Variants in IRF2 observed in about 807,000 individuals in gnomAD.
The protein encoded by IRF2 is interferon regulatory factor 2.
IRF2 carries 15 observed loss-of-function variants against 40.6 expected under a neutral mutation model. The observed-to-expected ratio is 0.37, with a 90% CI of 0.25 to 0.57. The LOEUF is 0.57. IRF2 is among the 20% of genes least tolerant of loss of function. The pLI is 0.77. For synonymous variants in IRF2, 151 were observed against 165.5 expected, an observed-to-expected ratio of 0.91 and a Z score of 0.67; for missense variants, 317 against 455.7, an observed-to-expected ratio of 0.70 and a Z score of 2.77.
intron 1 of IRF2, among the ~76,000 whole-genome samples, chr4:184,464,395 G>C (rs1739250686): frequency 6.6e-6 from 1 of 151,750 alleles, no homozygotes. Flanking sequence ...GTATAGGATA[G>C]GGAATGTATG....
At chr4:184,406,085 A>C (rs1361840479) in intron 6 of IRF2, among the ~76,000 whole-genome samples, 1 of 152,124 alleles carries the variant, frequency 6.6e-6, no homozygotes, top group Non-Finnish European at 1.5e-5. Flanking sequence ...GGTGTGGATA[A>C]AATCGAATGC....
chr4:184,394,737 G>A (rs2149891465), intron 7 of IRF2, among the ~76,000 whole-genome samples: 1 of 152,114 alleles, frequency 6.6e-6, no homozygotes, highest in South Asian at 2.1e-4. Context: ...TTATTCTACT[G>A]TGGTTTTCTT....
In IRF2 at chr4:184,390,763, G is replaced by C. The variant is rs745795240; in HGVS notation, c.695-14C>G. Reference sequence around the variant, plus strand: ...TCGTTTCGCTTTCTGTTCACAGAGAGAAAAACACAGGGCCATCATTCCTGT... The same window carrying C: ...TCGTTTCGCTTTCTGTTCACAGAGACAAAAACACAGGGCCATCATTCCTGT... On this transcript the variant is annotated splice_polypyrimidine_tract_variant and intron_variant, in intron 7 of 8. Transcript: ENST00000393593. 1 of 1,614,162 alleles carries C rather than the reference G, an allele frequency of 6.2e-7. No homozygotes were observed. Among genetic ancestry groups the C allele is most frequent in the African/African-American group, 1.3e-5 (1 of 75,058 alleles).
intron 1 of IRF2, among the ~76,000 whole-genome samples, chr4:184,456,626 G>A (rs1185003192): frequency 2.6e-5 from 4 of 152,222 alleles, no homozygotes; most frequent in African/African-American, 7.2e-5. Flanking sequence ...GCTTTCCTGC[G>A]GCCCGGTCCG....
At chr4:184,468,851 T>C (rs1339357596) in intron 1 of IRF2, among the ~76,000 whole-genome samples, 1 of 151,856 alleles carries the variant, frequency 6.6e-6, no homozygotes, top group African/African-American at 2.4e-5. Flanking sequence ...TTTCTAAAAG[T>C]CCCCTCCCCA....
At position 184,388,769 on chromosome 4, in the gene IRF2, T is replaced by G; in HGVS notation, c.1039A>C (p.Lys347Gln). ...GGAGAGTCAGAGGCTTAACAGCTCT[T>G]GACGCGGGCCTGGGTGATATCCGAT... ...KTSDITQARV[K>Q]SC The change falls in exon 9 of 9, where the codon AAG becomes CAG. Residue 347 changes from lysine to glutamine, a missense_variant. Around this residue, in one of 2 missense-constraint regions of IRF2, gnomAD observed 262 missense variants for 334.0 expected, o/e 0.78. Coordinates refer to ENST00000393593, the MANE Select transcript of IRF2 (RefSeq NM_002199.4). This position sits in a 1 kb window ranked among gnomAD's most constrained non-coding sequence, Gnocchi z 4.6. 1 of 1,609,842 alleles carries G rather than the reference T, an allele frequency of 6.2e-7. No homozygotes were observed. The highest frequency in any genetic ancestry group is 8.5e-7 in the Non-Finnish European group (1 of 1,179,342).
At chr4:184,428,191 C>T (rs1385661125) in intron 2 of IRF2, among the ~76,000 whole-genome samples, 1 of 152,108 alleles carries the variant, frequency 6.6e-6, no homozygotes, top group Non-Finnish European at 1.5e-5. Context: ...GGTGGACACA[C>T]AGATAGGGCT....
chr4:184,394,135 G>C (rs1163319735), intron 7 of IRF2, among the ~76,000 whole-genome samples: 1 of 152,212 alleles, frequency 6.6e-6, no homozygotes, highest in Admixed American at 6.5e-5. Context: ...AGAAGCTGAA[G>C]GTGTTCGTAC....
At chr4:184,471,603 T>C (rs1430992561) in intron 1 of IRF2, among the ~76,000 whole-genome samples, 6 of 152,114 alleles carry the variant, frequency 3.9e-5, no homozygotes, top group Non-Finnish European at 8.8e-5. Flanking sequence ...GAGATGATGT[T>C]AAGAATAAAA....
chr4:184,460,666 C>T (rs1963374), intron 1 of IRF2, among the ~76,000 whole-genome samples: 47,266 of 145,628 alleles, frequency 0.32, 8,945 homozygotes, highest in East Asian at 0.49. Flanking sequence ...CATGCACGCG[C>T]ACACACACAC....
At chr4:184,442,485 A>C (rs77795102) in intron 1 of IRF2, among the ~76,000 whole-genome samples, 19,063 of 152,220 alleles carry the variant, frequency 0.13, 1,422 homozygotes, top group Middle Eastern at 0.28. Flanking sequence ...AGGGGAGGAA[A>C]GTGTGCCCTG....
intron 1 of IRF2, among the ~76,000 whole-genome samples, chr4:184,432,841 G>C (rs1374074748): frequency 6.6e-6 from 1 of 152,176 alleles, no homozygotes; most frequent in Non-Finnish European, 1.5e-5. Context: ...GGCAAGGAAG[G>C]ATTCTCCCCA....
chr4:184,452,707 G>A lies in IRF2; in HGVS notation c.-7+21672C>T, dbSNP rs190966401. Among the ~76,000 whole-genome samples the A allele has an allele frequency of 9.7e-4, 132 of 136,396 alleles. 1 individual carries two copies. Among genetic ancestry groups the A allele is most frequent in the Middle Eastern group, 4.1e-3 (1 of 244 alleles). The allele number at this position is 136,396 out of a possible 152,430, so 89.5% of individuals were successfully genotyped here. A position where few individuals can be genotyped will look rare whatever the true frequency, so the allele number is the denominator to read the frequency against. ...GTTCATTTGAGCCCAGGAGGTAGAG[G>A]CTGCAGTGAGCTATGATCATGCCAC... On this transcript the variant is annotated intron_variant, in intron 1 of 8. Transcript: ENST00000393593.
intron 1 of IRF2, among the ~76,000 whole-genome samples, chr4:184,460,480 T>A (rs2149916890): frequency 6.6e-6 from 1 of 152,354 alleles, no homozygotes; most frequent in African/African-American, 2.4e-5. Context: ...TTTTGTTTTG[T>A]AAATTTTACC....
At chr4:184,443,984 C>A (rs1404504216) in intron 1 of IRF2, among the ~76,000 whole-genome samples, 1 of 152,154 alleles carries the variant, frequency 6.6e-6, no homozygotes, top group African/African-American at 2.4e-5. Context: ...CATAGGCCTA[C>A]CCTTATTCAT....
At chr4:184,421,846 G>A (rs1737494206) in intron 2 of IRF2, among the ~76,000 whole-genome samples, 2 of 152,152 alleles carry the variant, frequency 1.3e-5, no homozygotes, top group Non-Finnish European at 2.9e-5. Flanking sequence ...ATGTGCAACA[G>A]GCCTGAGTAG....
At chr4:184,437,965 C>T (rs573068075) in intron 1 of IRF2, among the ~76,000 whole-genome samples, 49 of 152,194 alleles carry the variant, frequency 3.2e-4, no homozygotes, top group South Asian at 2.7e-3. Flanking sequence ...TTCCTCACAA[C>T]GACTTCTGTG....
chr4:184,418,821 C>T (rs748929947), intron 3 of IRF2, 113 bp from the exon 4 acceptor site: 10 of 801,908 alleles, frequency 1.2e-5, no homozygotes, highest in Non-Finnish European at 1.6e-5. Flanking sequence ...CTTTTCACTC[C>T]ATGCTATACC....
At chr4:184,437,095 A>G (rs1333635475) in intron 1 of IRF2, among the ~76,000 whole-genome samples, 1 of 152,110 alleles carries the variant, frequency 6.6e-6, no homozygotes, top group African/African-American at 2.4e-5. Context: ...TCGCTCTGTC[A>G]CCCAGGCTAG....
Sources: gnomAD v4.1 joint callset for allele counts (sites outside exome capture counted in the v4.1 genomes callset) on GRCh38, gnomAD v4.1.1 for gene constraint, gnomAD v4.1.1 regional missense constraint, Gnocchi (gnomAD v3.1) non-coding constraint, MANE v1.5 for transcripts, NCBI Gene and HGNC (gene_info 2026-07-23, HGNC 2026-07-21) for gene names.